Variants in ZBTB20 observed in about 807,000 individuals in gnomAD.
The protein encoded by ZBTB20 is zinc finger and BTB domain containing 20.
Under a neutral mutation model 56.9 loss-of-function variants are expected in ZBTB20, and 9 were observed. That is an observed-to-expected ratio of 0.16 (90% confidence interval 0.10 to 0.28). The LOEUF (loss-of-function observed/expected upper bound fraction) is 0.28. Among genes scored for constraint, ZBTB20 ranks in the 10% least tolerant of loss-of-function variants. The pLI, the probability that ZBTB20 is intolerant of heterozygous loss-of-function variation, is 1.00. For missense variants in ZBTB20, 655 were observed against 1,003.0 expected (o/e 0.65, Z 4.69); for synonymous variants, 417 against 420.7 (o/e 0.99, Z 0.11).
At chr3:115,123,146 C>T (rs1316501924) in intron 1 of ZBTB20, among the ~76,000 whole-genome samples, 1 of 152,150 alleles carries the variant, frequency 6.6e-6, no homozygotes, top group South Asian at 2.1e-4. Flanking sequence ...CTCAAATTTA[C>T]ATTCCCCTAA....
chr3:115,146,182 C>A (rs534542242), intron 1 of ZBTB20, among the ~76,000 whole-genome samples: 1 of 152,330 alleles, frequency 6.6e-6, no homozygotes, highest in South Asian at 2.1e-4. Flanking sequence ...CCTCATTCAA[C>A]CCAGTTCGGA....
At chr3:114,463,926 T>C (rs924449029) in intron 7 of ZBTB20, among the ~76,000 whole-genome samples, 1 of 152,242 alleles carries the variant, frequency 6.6e-6, no homozygotes, top group Non-Finnish European at 1.5e-5. Context: ...AACTACATGG[T>C]ATAATTTCAA....
chr3:114,650,818 A>G (rs1235451166), intron 6 of ZBTB20, among the ~76,000 whole-genome samples: 1 of 152,006 alleles, frequency 6.6e-6, no homozygotes, highest in Admixed American at 6.6e-5. Flanking sequence ...AAATTGGTAC[A>G]TTATAACATT....
intron 10 of ZBTB20, among the ~76,000 whole-genome samples, chr3:114,361,363 G>A (rs1359677955): frequency 1.3e-5 from 2 of 152,134 alleles, no homozygotes; most frequent in Non-Finnish European, 2.9e-5. Flanking sequence ...TTTCTGTGAA[G>A]CCTTCTGTGA....
intron 5 of ZBTB20, among the ~76,000 whole-genome samples, chr3:114,728,603 G>C (rs2108527134): frequency 6.6e-6 from 1 of 152,322 alleles, no homozygotes; most frequent in East Asian, 1.9e-4. Flanking sequence ...CCATCGTCTA[G>C]TTACAGTAAC....
chr3:114,736,354 G>C (rs2066156788), intron 5 of ZBTB20, among the ~76,000 whole-genome samples: 1 of 151,830 alleles, frequency 6.6e-6, no homozygotes, highest in African/African-American at 2.4e-5. Flanking sequence ...GCTTTCTTTT[G>C]GTTATTTTTT....
At chr3:114,696,773 T>C (rs919787770) in intron 5 of ZBTB20, among the ~76,000 whole-genome samples, 2 of 151,612 alleles carry the variant, frequency 1.3e-5, no homozygotes, top group East Asian at 3.9e-4. Context: ...GGGAGGGGGT[T>C]GTGGGAAGGA....
intron 7 of ZBTB20, among the ~76,000 whole-genome samples, chr3:114,470,958 G>T (rs553483302): frequency 3.0e-4 from 45 of 152,170 alleles, no homozygotes; most frequent in African/African-American, 1.1e-3. Flanking sequence ...GAGCAGACCT[G>T]GTTTCAAATC....
intron 3 of ZBTB20, among the ~76,000 whole-genome samples, chr3:114,911,908 T>G (rs1272058666): frequency 6.6e-6 from 1 of 151,726 alleles, no homozygotes; most frequent in Non-Finnish European, 1.5e-5. Flanking sequence ...ACATTCAGAT[T>G]CAAGCAGCAT....
intron 10 of ZBTB20, among the ~76,000 whole-genome samples, chr3:114,354,307 G>A (rs2080989077): frequency 6.6e-6 from 1 of 152,118 alleles, no homozygotes; most frequent in South Asian, 2.1e-4. Context: ...TCTCTGTGTA[G>A]GATGGATTTA....
chr3:114,599,193 G>A (rs1219054101), intron 6 of ZBTB20: 1 of 152,022 alleles, frequency 6.6e-6, no homozygotes, highest in Non-Finnish European at 1.5e-5. Context: ...CATGATGGAA[G>A]CCATGGAGTT....
At chr3:114,560,773 C>T (rs1376176006) in intron 6 of ZBTB20, among the ~76,000 whole-genome samples, 1 of 152,076 alleles carries the variant, frequency 6.6e-6, no homozygotes, top group Non-Finnish European at 1.5e-5. Flanking sequence ...GTTTCTGAAG[C>T]TTGGGGTGGC....
intron 7 of ZBTB20, among the ~76,000 whole-genome samples, chr3:114,408,620 A>C (rs1027549245): frequency 4.6e-5 from 7 of 151,836 alleles, no homozygotes; most frequent in Non-Finnish European, 8.8e-5. Context: ...CTCTGTTTGC[A>C]CTTTCGCAGT....
chr3:114,598,328 A>G (rs1210007590), intron 6 of ZBTB20, among the ~76,000 whole-genome samples: 2 of 152,036 alleles, frequency 1.3e-5, no homozygotes, highest in Non-Finnish European at 2.9e-5. Context: ...TATATAAGTA[A>G]TAGTGTTCAC....
At chr3:114,666,619 T>C (rs1161686634) in intron 6 of ZBTB20, among the ~76,000 whole-genome samples, 4 of 152,050 alleles carry the variant, frequency 2.6e-5, no homozygotes, top group Non-Finnish European at 2.9e-5. Flanking sequence ...TGATCCTATA[T>C]AGTCTTGTGA....
chr3:114,544,409 CTTTCTT>C (rs1341191341), intron 6 of ZBTB20, among the ~76,000 whole-genome samples: 204 of 5,124 alleles, frequency 0.04, 2 homozygotes, highest in African/African-American at 0.066. Flanking sequence ...TAGATTTCTT[CTTTCTT>C]TCTTTCTTTC....
At chr3:115,106,224 C>T (rs1026965508) in intron 1 of ZBTB20, among the ~76,000 whole-genome samples, 2 of 145,384 alleles carry the variant, frequency 1.4e-5, no homozygotes, top group Admixed American at 6.9e-5. Context: ...CGTAATTACA[C>T]AATAATTCTT....
chr3:114,363,726 T>C (rs569574841), intron 10 of ZBTB20, among the ~76,000 whole-genome samples: 1 of 152,218 alleles, frequency 6.6e-6, no homozygotes, highest in Non-Finnish European at 1.5e-5. Flanking sequence ...GTCACAGTTG[T>C]ATATGACTTG....
At chr3:114,494,874 A>G (rs753681021) in intron 7 of ZBTB20, among the ~76,000 whole-genome samples, 4 of 152,202 alleles carry the variant, frequency 2.6e-5, no homozygotes, top group Non-Finnish European at 2.9e-5. Context: ...TTAGAATTCA[A>G]GTGGGGAAAA....
Sources: gnomAD v4.1 joint callset for allele counts (sites outside exome capture counted in the v4.1 genomes callset) on GRCh38, gnomAD v4.1.1 for gene constraint, MANE v1.5 for transcripts, NCBI Gene and HGNC (gene_info 2026-07-23, HGNC 2026-07-21) for gene names.